EPM2A: variants seen among roughly 807,000 people sequenced by gnomAD.
EPM2A encodes the protein laforin.
In EPM2A, 21 loss-of-function variants were observed where a neutral mutation model predicts 26.5. The observed-to-expected ratio is 0.79, with a 90% confidence interval of 0.56 to 1.14. The LOEUF (loss-of-function observed/expected upper bound fraction) is 1.14. Among genes scored for constraint, EPM2A ranks in the 50% most tolerant of loss-of-function variants. The pLI is 0.00. For missense variants in EPM2A, 458 were observed against 440.8 expected (o/e 1.04, Z -0.35); for synonymous variants, 217 against 177.6 (o/e 1.22, Z -1.76).
intron 4 of EPM2A, among the ~76,000 whole-genome samples, chr6:145,493,379 G>A (rs1779778514): frequency 6.6e-6 from 1 of 152,174 alleles, no homozygotes; most frequent in Admixed American, 6.5e-5. Flanking sequence ...AACTTAAGAA[G>A]CTTTTGGGCT....
At chr6:145,521,255 A>G (rs541265526) in intron 2 of EPM2A, among the ~76,000 whole-genome samples, 3 of 152,328 alleles carry the variant, frequency 2.0e-5, no homozygotes, top group Admixed American at 6.5e-5. Context: ...TCAGTGAAAT[A>G]AAAGGCAAGT....
chr6:145,645,597 C>T (rs539274663), intron 2 of EPM2A, among the ~76,000 whole-genome samples: 4 of 152,038 alleles, frequency 2.6e-5, no homozygotes, highest in Non-Finnish European at 4.4e-5. Flanking sequence ...AAGCCACCAT[C>T]CTGGCAAACT....
chr6:145,649,168 T>C (rs1249129618), intron 2 of EPM2A, among the ~76,000 whole-genome samples: 4 of 152,124 alleles, frequency 2.6e-5, no homozygotes, highest in African/African-American at 9.7e-5. Context: ...TTCTCATAGA[T>C]TTCGAGATGT....
intron 2 of EPM2A, among the ~76,000 whole-genome samples, chr6:145,602,387 C>T (rs1781427584): frequency 6.6e-6 from 1 of 152,128 alleles, no homozygotes; most frequent in African/African-American, 2.4e-5. Context: ...TGATGATAAC[C>T]AGATCATCTG....
At position 145,733,202 on chromosome 6, in the gene EPM2A, G is replaced by A. The variant is rs546562049; in HGVS notation, c.301+1996C>T. ...ATTTTTCTTATCCTCTCTTATAGGA[G>A]TAACTTCCTAGAAAGTCAACAGTCA... On this transcript the variant is annotated intron_variant, in intron 1 of 3. Coordinates refer to ENST00000367519, the MANE Select transcript of EPM2A (RefSeq NM_005670.4). 1.8e-3 allele frequency among the ~76,000 whole-genome samples: 268 copies of A among 152,224 alleles called. 1 individual carries two copies. Among genetic ancestry groups the A allele is most frequent in the African/African-American group, 6.1e-3 (255 of 41,530 alleles).
intron 1 of EPM2A, among the ~76,000 whole-genome samples, chr6:145,725,470 C>T (rs973514070): frequency 3.9e-5 from 6 of 152,148 alleles, no homozygotes; most frequent in Middle Eastern, 3.4e-3. Flanking sequence ...CATACCTACA[C>T]AAAAATCTGC....
intron 1 of EPM2A, among the ~76,000 whole-genome samples, chr6:145,716,455 TC>T (rs1424055544): frequency 6.6e-6 from 1 of 152,190 alleles, no homozygotes. Flanking sequence ...TAGAAAGTTG[TC>T]TGATGTTTTA....
chr6:145,392,370 A>T (rs562026451), intron 4 of EPM2A, among the ~76,000 whole-genome samples: 2 of 152,234 alleles, frequency 1.3e-5, no homozygotes, highest in East Asian at 1.9e-4. Context: ...CTTGAGAGCT[A>T]CCTTGAGTTA....
chr6:145,555,544 T>C (rs1243175280), intron 2 of EPM2A, among the ~76,000 whole-genome samples: 1 of 152,114 alleles, frequency 6.6e-6, no homozygotes, highest in African/African-American at 2.4e-5. Context: ...AATGAAACTC[T>C]AGGCCAAAAT....
At position 145,482,829 on chromosome 6, in the gene EPM2A, T is replaced by C. The variant is rs949720632; in HGVS notation, c.555+19693A>G. 6.6e-5 allele frequency among the ~76,000 whole-genome samples: 10 copies of C among 152,052 alleles called. No homozygotes were observed. In the East Asian group the frequency reaches 1.7e-3, roughly 27 times the overall value. ...TCACTCAGCCATACTCTTTGTTTCA[T>C]TGCATTGATTATTTATGTCTTAAAT... On this transcript the variant is annotated intron_variant, in intron 4 of 4. Transcript: ENST00000638717.
At chr6:145,481,430 T>C (rs1371064320) in intron 4 of EPM2A, among the ~76,000 whole-genome samples, 2 of 152,104 alleles carry the variant, frequency 1.3e-5, no homozygotes, top group African/African-American at 4.8e-5. Context: ...AAGGATAAAA[T>C]AGATTGTTGC....
At chr6:145,439,980 G>A (rs1286939091) in intron 4 of EPM2A, among the ~76,000 whole-genome samples, 1 of 152,116 alleles carries the variant, frequency 6.6e-6, no homozygotes, top group Non-Finnish European at 1.5e-5. Flanking sequence ...TCCACATTGA[G>A]TTGTTTTTGT....
At chr6:145,597,136 C>T (rs1781357008) in intron 2 of EPM2A, among the ~76,000 whole-genome samples, 1 of 151,626 alleles carries the variant, frequency 6.6e-6, no homozygotes, top group African/African-American at 2.4e-5. Flanking sequence ...CCTCATGATC[C>T]ACCCGCCTCG....
chr6:145,495,251 T>G (rs1357508074), intron 4 of EPM2A, among the ~76,000 whole-genome samples: 1 of 152,164 alleles, frequency 6.6e-6, no homozygotes, highest in Non-Finnish European at 1.5e-5. Flanking sequence ...CCCTTCTTTT[T>G]TATAATCTTT....
At chr6:145,710,937 C>T (rs1405356813) in intron 1 of EPM2A, among the ~76,000 whole-genome samples, 1 of 130,644 alleles carries the variant, frequency 7.7e-6, no homozygotes, top group Non-Finnish European at 1.5e-5. Context: ...CACATGGACA[C>T]AGGAAGAGGA....
At chr6:145,560,960 GA>G (rs1366057710) in intron 2 of EPM2A, among the ~76,000 whole-genome samples, 1 of 151,944 alleles carries the variant, frequency 6.6e-6, no homozygotes, top group Non-Finnish European at 1.5e-5. Context: ...GTTCATTTAA[GA>G]AAATGTACAG....
At chr6:145,493,635 G>T (rs1249412485) in intron 4 of EPM2A, among the ~76,000 whole-genome samples, 3 of 151,978 alleles carry the variant, frequency 2.0e-5, no homozygotes, top group African/African-American at 7.3e-5. Context: ...TGTCATATAT[G>T]GCTCTTGTTA....
At chr6:145,705,609 T>C (rs1452016869) in intron 1 of EPM2A, 2 of 455,128 alleles carry the variant, frequency 4.4e-6, no homozygotes, top group Non-Finnish European at 8.8e-6. Flanking sequence ...CATGTTAGAG[T>C]TCATTATAGA....
rs992581938 is a variant in EPM2A, at chr6:145,427,464, A to T, written c.556-43367T>A. Among the ~76,000 whole-genome samples the T allele has an allele frequency of 8.5e-5, 13 of 152,244 alleles. No homozygotes were observed. The East Asian group carries it at 1.2e-3, about 14-fold the overall frequency. ...GGCTAGAGCAGAGTGAGCCTGAGGG[A>T]TGTGGTAAGAGATAAGATTATCAGA... On this transcript the variant is annotated intron_variant, in intron 4 of 4. Coordinates refer to the EPM2A transcript ENST00000638717.
Sources: gnomAD v4.1 joint callset for allele counts (sites outside exome capture counted in the v4.1 genomes callset) on GRCh38, gnomAD v4.1.1 for gene constraint, MANE v1.5 for transcripts, NCBI Gene and HGNC (gene_info 2026-07-23, HGNC 2026-07-21) for gene names.